TTC39C: variants seen among roughly 807,000 people sequenced by gnomAD.
TTC39C encodes tetratricopeptide repeat protein 39C.
Under a neutral mutation model 76.3 loss-of-function variants are expected in TTC39C, and 33 were observed. That is an observed-to-expected ratio of 0.43 (90% CI 0.33 to 0.58). The LOEUF is 0.58. TTC39C is among the 20% of genes least tolerant of loss of function. The probability of loss-of-function intolerance (pLI) is 0.04; values close to 1 mark genes in which losing one functional copy is unlikely to be tolerated. For missense variants in TTC39C, 595 were observed against 701.4 expected, an observed-to-expected ratio of 0.85 and a Z score of 1.71; for synonymous variants, 254 against 260.6, an observed-to-expected ratio of 0.97 and a Z score of 0.24.
At chr18:24,130,779 A>G (rs1199151120) in intron 12 of TTC39C, among the ~76,000 whole-genome samples, 2 of 152,094 alleles carry the variant, frequency 1.3e-5, no homozygotes, top group South Asian at 2.1e-4. Context: ...CTTCTGTGCT[A>G]TAATTGTGTA....
chr18:23,994,046 T>C (rs1297881126), intron 1 of TTC39C, among the ~76,000 whole-genome samples: 2 of 152,172 alleles, frequency 1.3e-5, no homozygotes, highest in African/African-American at 4.8e-5. Flanking sequence ...CATTTAAAAC[T>C]GTTATGCACA....
intron 4 of TTC39C, among the ~76,000 whole-genome samples, chr18:24,079,266 T>G (rs1236379570): frequency 1.3e-5 from 2 of 152,198 alleles, no homozygotes; most frequent in African/African-American, 4.8e-5. Context: ...TGCACTCAGA[T>G]AGTCCTATGT....
chr18:24,050,388 G>A (rs535993735), intron 1 of TTC39C, among the ~76,000 whole-genome samples: 5 of 151,490 alleles, frequency 3.3e-5, no homozygotes, highest in South Asian at 4.2e-4. Context: ...TGGACAACAC[G>A]ACGGAATCCT....
intron 1 of TTC39C, among the ~76,000 whole-genome samples, chr18:24,025,265 G>A (rs1400695663): frequency 6.6e-6 from 1 of 152,204 alleles, no homozygotes; most frequent in Non-Finnish European, 1.5e-5. Flanking sequence ...TGAAATAAAT[G>A]TACTAATGAA....
chr18:24,017,716 C>A (rs938553673), intron 1 of TTC39C, among the ~76,000 whole-genome samples: 7 of 152,158 alleles, frequency 4.6e-5, no homozygotes, highest in Admixed American at 1.3e-4. Flanking sequence ...TTGAGGAGCA[C>A]CCCCCTGGCT....
At position 24,041,431 on chromosome 18, in the gene TTC39C, C is replaced by T. The variant is rs183222739; in HGVS notation, c.168-22709C>T. 2.7e-4 allele frequency among the ~76,000 whole-genome samples: 41 copies of T among 152,270 alleles called. No individual in the cohort carries two copies. The East Asian group carries it at 7.7e-3, about 29-fold the overall frequency. On this transcript the variant is annotated intron_variant, in intron 1 of 13. Transcript: ENST00000317571. Reference sequence around the variant, plus strand: ...GGTGGGTAGCAGAGAAAGCACAAGCCAATAGTCCAGCAGCGTGTTAACCGT... The same window carrying T: ...GGTGGGTAGCAGAGAAAGCACAAGCTAATAGTCCAGCAGCGTGTTAACCGT...
intron 2 of TTC39C, among the ~76,000 whole-genome samples, 199 bp downstream of exon 2, chr18:24,064,387 T>G (rs1048772177): frequency 6.6e-6 from 1 of 152,210 alleles, no homozygotes; most frequent in Non-Finnish European, 1.5e-5. Flanking sequence ...TGCTTACATC[T>G]TATTTATAGG....
intron 4 of TTC39C, among the ~76,000 whole-genome samples, chr18:24,072,598 A>G (rs567681345): frequency 7.6e-4 from 116 of 152,298 alleles, no homozygotes; most frequent in Middle Eastern, 3.4e-3. Context: ...TGCCCGGTCA[A>G]TGCTTCTTAC....
intron 1 of TTC39C, among the ~76,000 whole-genome samples, chr18:24,061,276 A>G (rs1391997289): frequency 6.8e-6 from 1 of 147,576 alleles, no homozygotes; most frequent in Non-Finnish European, 1.5e-5. Flanking sequence ...TATTTCACTC[A>G]CTCCATTTTT....
chr18:24,113,798 G>A lies in TTC39C; in HGVS notation c.985-756G>A, dbSNP rs866409238. 2.7e-5 allele frequency: 18 copies of A among 660,728 alleles called. 1 individual carries two copies. The highest frequency in any genetic ancestry group is 4.7e-5 in the Non-Finnish European group (17 of 363,464). 40.9% of individuals were successfully genotyped at this position (660,728 alleles called of 1,614,324 possible). A position where few individuals can be genotyped will look rare whatever the true frequency, so the allele number is the denominator to read the frequency against. ...GACCCTGAGTGACATCTTCAGCGGC[G>A]GGAAAACGAAATGTATTTCACTGGG... On this transcript the variant is annotated intron_variant, in intron 6 of 13. Coordinates refer to ENST00000317571, the MANE Select transcript of TTC39C (RefSeq NM_001135993.2).
At chr18:24,122,769 C>A (rs1429195276) in intron 8 of TTC39C, among the ~76,000 whole-genome samples, 3 of 152,168 alleles carry the variant, frequency 2.0e-5, no homozygotes, top group Admixed American at 6.5e-5. Context: ...AAGGTGTGCA[C>A]ATGATCATGA....
intron 1 of TTC39C, among the ~76,000 whole-genome samples, chr18:24,029,658 C>T (rs181188315): frequency 1.4e-4 from 20 of 138,148 alleles, no homozygotes; most frequent in Non-Finnish European, 1.7e-4. Context: ...TTCAGCCTCC[C>T]ACCCTTCCCC....
At chr18:24,045,145 T>C (rs567718349) in intron 1 of TTC39C, among the ~76,000 whole-genome samples, 1 of 152,000 alleles carries the variant, frequency 6.6e-6, no homozygotes, top group Non-Finnish European at 1.5e-5. Context: ...GGCACACGCC[T>C]GTAGTCTCAG....
At chr18:24,129,563 C>T (rs2085095476) in intron 11 of TTC39C, among the ~76,000 whole-genome samples, 1 of 152,018 alleles carries the variant, frequency 6.6e-6, no homozygotes, top group South Asian at 2.1e-4. Context: ...CACTTGAGGT[C>T]AGGAGTTTGA....
At chr18:24,064,328 T>TTA (rs1355204565) in intron 2 of TTC39C, 140 bp downstream of exon 2, 33 of 850,060 alleles carry the variant, frequency 3.9e-5, no homozygotes, top group African/African-American at 2.1e-4. Context: ...TTTTGCCTAT[T>TTA]ACCCAATGCC....
intron 6 of TTC39C, among the ~76,000 whole-genome samples, chr18:24,088,023 T>C (rs530422668): frequency 6.6e-6 from 1 of 152,314 alleles, no homozygotes; most frequent in South Asian, 2.1e-4. Context: ...TCAGAAATGA[T>C]GTTGGTTATC....
intron 11 of TTC39C, 108 bp from the exon 12 acceptor site, chr18:24,130,205 T>C (rs2085106991): frequency 1.9e-6 from 1 of 521,256 alleles, no homozygotes; most frequent in East Asian, 4.1e-5. Context: ...AAATCTGATC[T>C]AGAAAACAGA....
At chr18:24,039,400 G>A (rs1233102821) in intron 1 of TTC39C, among the ~76,000 whole-genome samples, 1 of 152,228 alleles carries the variant, frequency 6.6e-6, no homozygotes, top group African/African-American at 2.4e-5. Context: ...AATGATGGAA[G>A]TGGACACACA....
chr18:24,067,385 C>T (rs1786112), intron 3 of TTC39C, among the ~76,000 whole-genome samples: 6 of 152,170 alleles, frequency 3.9e-5, no homozygotes, highest in African/African-American at 7.2e-5. Context: ...TCCAGTCTCA[C>T]GGTTCTTTAA....
Sources: gnomAD v4.1 joint callset for allele counts (sites outside exome capture counted in the v4.1 genomes callset) on GRCh38, gnomAD v4.1.1 for gene constraint, MANE v1.5 for transcripts, NCBI Gene and HGNC (gene_info 2026-07-23, HGNC 2026-07-21) for gene names.